Variants in NCOR1 observed in about 807,000 individuals in gnomAD.
NCOR1 encodes protein phosphatase 1, regulatory subunit 109.
Under a neutral mutation model 288.1 loss-of-function variants are expected in NCOR1, and 63 were observed. That is an observed-to-expected ratio of 0.22 (90% confidence interval 0.18 to 0.27). The LOEUF (loss-of-function observed/expected upper bound fraction) is 0.27. NCOR1 is among the 10% of genes least tolerant of loss of function. The pLI, the probability that NCOR1 is intolerant of heterozygous loss-of-function variation, is 1.00. For missense variants in NCOR1, 2,397 were observed against 3,019.2 expected (o/e 0.79, Z 4.83); for synonymous variants, 1,007 against 1,065.9 (o/e 0.94, Z 1.08).
At chr17:16,067,835 A>C (rs886598424) in intron 32 of NCOR1, 59 bp downstream of exon 32, 2 of 1,470,714 alleles carry the variant, frequency 1.4e-6, no homozygotes, top group African/African-American at 2.8e-5. Context: ...CAGAAAGCTG[A>C]AAAGTCATAC....
intron 15 of NCOR1, among the ~76,000 whole-genome samples, chr17:16,124,211 A>G (rs1347372493): frequency 6.6e-6 from 1 of 152,228 alleles, no homozygotes; most frequent in Non-Finnish European, 1.5e-5. Context: ...CAGTTCCACA[A>G]GGACTATAGA....
At chr17:16,096,656 C>G (rs1416925849) in intron 21 of NCOR1, among the ~76,000 whole-genome samples, 2 of 152,038 alleles carry the variant, frequency 1.3e-5, no homozygotes, top group African/African-American at 2.4e-5. Flanking sequence ...TTCAATCAAT[C>G]ATCACAAGTC....
intron 15 of NCOR1, among the ~76,000 whole-genome samples, chr17:16,122,177 C>T (rs2073143803): frequency 6.6e-6 from 1 of 152,134 alleles, no homozygotes; most frequent in Non-Finnish European, 1.5e-5. Flanking sequence ...TACTGGAAGA[C>T]CATTTTCTGT....
intron 19 of NCOR1, among the ~76,000 whole-genome samples, chr17:16,106,883 A>ATATATATATAT (rs1164118180): frequency 3.2e-5 from 1 of 31,406 alleles, no homozygotes; most frequent in Admixed American, 6.5e-4. Context: ...ATATATATAT[A>ATATATATATAT]TTTTTTTTTT....
chr17:16,132,809 T>C (rs928580513), intron 14 of NCOR1, among the ~76,000 whole-genome samples: 34 of 150,982 alleles, frequency 2.3e-4, no homozygotes, highest in Non-Finnish European at 4.0e-4. Context: ...TTTTTTTTTT[T>C]CCTGAGATGG....
intron 31 of NCOR1, among the ~76,000 whole-genome samples, chr17:16,069,792 A>G (rs975486077): frequency 1.3e-5 from 2 of 152,184 alleles, no homozygotes; most frequent in African/African-American, 4.8e-5. Context: ...AAGAATGTTA[A>G]TTCAAGCTTA....
intron 16 of NCOR1, 145 bp from the exon 17 acceptor site, chr17:16,119,630 A>AACCT: frequency 2.0e-6 from 1 of 501,080 alleles, no homozygotes; most frequent in South Asian, 4.2e-5. Flanking sequence ...ATAGGATAGT[A>AACCT]ACCTCTCCTC....
chr17:16,134,842 C>T (rs1334676386), intron 14 of NCOR1, among the ~76,000 whole-genome samples: 2 of 152,096 alleles, frequency 1.3e-5, no homozygotes, highest in Non-Finnish European at 2.9e-5. Context: ...TACTATTTGG[C>T]AATTAGGAAC....
chr17:16,066,717 C>G (rs939428547), intron 32 of NCOR1, among the ~76,000 whole-genome samples: 2 of 152,086 alleles, frequency 1.3e-5, no homozygotes, highest in African/African-American at 4.8e-5. Context: ...GTATTGGGCT[C>G]CTCTGAAACA....
At position 16,029,460 on chromosome 17, in the gene NCOR1, G is replaced by A. The variant is rs972962050; in HGVS notation, c.*2836C>T. The A allele has an allele frequency of 3.6e-6, 1 of 279,264 alleles. No individual in the cohort carries two copies. Among genetic ancestry groups the A allele is most frequent in the Non-Finnish European group, 7.1e-6 (1 of 141,616 alleles). 17.3% of individuals were successfully genotyped at this position (279,264 alleles called of 1,614,324 possible). A position where few individuals can be genotyped will look rare whatever the true frequency, so the allele number is the denominator to read the frequency against. ...TATTTTTAAAATAGAATCACTCAGT[G>A]TACCAAAATTAAAAGCATTATGAAA... On this transcript the variant is annotated 3_prime_UTR_variant, in exon 46 of 46. Coordinates refer to ENST00000268712, the MANE Select transcript of NCOR1 (RefSeq NM_006311.4).
At position 16,081,511 on chromosome 17, in the gene NCOR1, A is replaced by C. The variant is rs564703650; in HGVS notation, c.3178-784T>G. On this transcript the variant is annotated intron_variant, in intron 23 of 45. Transcript: ENST00000268712. ...GAAGTGTTGAAAACCAAAAGCACTC[A>C]ATCATAGTGCAAACCTATGGTGGCT... 2.0e-5 allele frequency among the ~76,000 whole-genome samples: 3 copies of C among 152,236 alleles called. No homozygotes were observed. In the East Asian group the frequency reaches 5.8e-4, roughly 29 times the overall value.
At chr17:16,129,840 A>G (rs2075328411) in intron 14 of NCOR1, among the ~76,000 whole-genome samples, 1 of 152,236 alleles carries the variant, frequency 6.6e-6, no homozygotes, top group African/African-American at 2.4e-5. Context: ...TGGGTAACAC[A>G]TGCTAATCTT....
chr17:16,112,311 T>C (rs1250145158), intron 18 of NCOR1, among the ~76,000 whole-genome samples: 2 of 152,230 alleles, frequency 1.3e-5, no homozygotes, highest in African/African-American at 4.8e-5. Context: ...TATTTTTAAC[T>C]CTCACATTCT....
At chr17:16,174,723 A>G (rs2083772828) in intron 3 of NCOR1, among the ~76,000 whole-genome samples, 1 of 152,222 alleles carries the variant, frequency 6.6e-6, no homozygotes, top group South Asian at 2.1e-4. Flanking sequence ...GTACAATTTA[A>G]TATTAGGAGT....
chr17:16,185,008 CAAA>C (rs34725978), intron 3 of NCOR1, among the ~76,000 whole-genome samples: 9 of 97,362 alleles, frequency 9.2e-5, no homozygotes, highest in Non-Finnish European at 1.2e-4. Flanking sequence ...GAATCTTAAA[CAAA>C]AAAAAAAAAA....
intron 22 of NCOR1, chr17:16,087,439 C>T: frequency 2.8e-6 from 2 of 723,850 alleles, no homozygotes; most frequent in South Asian, 1.9e-5. Flanking sequence ...GGGGCTGATC[C>T]GACTATAACA....
At chr17:16,151,013 TCA>T (rs1003958267) in intron 8 of NCOR1, among the ~76,000 whole-genome samples, 5 of 149,466 alleles carry the variant, frequency 3.3e-5, no homozygotes, top group East Asian at 2.1e-4. Context: ...GCACATACTC[TCA>T]GTTAAGAAAT....
At chr17:16,089,655 G>A (rs1244174978) in intron 22 of NCOR1, among the ~76,000 whole-genome samples, 6 of 152,040 alleles carry the variant, frequency 3.9e-5, no homozygotes, top group Admixed American at 2.6e-4. Context: ...CCAATATTTG[G>A]TGATACTTTA....
At chr17:16,093,665 C>T (rs1457623657) in intron 21 of NCOR1, among the ~76,000 whole-genome samples, 1 of 152,164 alleles carries the variant, frequency 6.6e-6, no homozygotes, top group Non-Finnish European at 1.5e-5. Flanking sequence ...TAGTATTATT[C>T]ACTGATCCTA....
Sources: gnomAD v4.1 joint callset for allele counts (sites outside exome capture counted in the v4.1 genomes callset) on GRCh38, gnomAD v4.1.1 for gene constraint, MANE v1.5 for transcripts, NCBI Gene and HGNC (gene_info 2026-07-23, HGNC 2026-07-21) for gene names.